Variants in RPS6KC1 observed in about 807,000 individuals in gnomAD.
The protein encoded by RPS6KC1 is inactive ribosomal protein S6 kinase delta-1.
Under a neutral mutation model 103.8 loss-of-function variants are expected in RPS6KC1, and 54 were observed. The observed-to-expected ratio is 0.52, with a 90% CI of 0.42 to 0.65. RPS6KC1 has a LOEUF of 0.65. Among genes scored for constraint, RPS6KC1 ranks in the 30% least tolerant of loss-of-function variants. The pLI is 0.00. For missense variants in RPS6KC1, 1,151 were observed against 1,253.8 expected (o/e 0.92, Z 1.24); for synonymous variants, 439 against 438.7 (o/e 1.00, Z -0.01).
chr1:213,450,936 T>C, the RPS6KC1 span, among the ~76,000 whole-genome samples: 1 of 152,100 alleles, frequency 6.6e-6, no homozygotes, highest in East Asian at 1.9e-4. Flanking sequence ...GTTCGTGCCA[T>C]TGCACTCCAG....
intron 4 of RPS6KC1, among the ~76,000 whole-genome samples, chr1:213,108,754 C>T (rs2082727695): frequency 6.6e-6 from 1 of 151,414 alleles, no homozygotes; most frequent in Non-Finnish European, 1.5e-5. Context: ...CTCTTGGGCT[C>T]AAGGGATCCT....
chr1:213,579,666 T>G, the RPS6KC1 span, among the ~76,000 whole-genome samples: 1 of 152,048 alleles, frequency 6.6e-6, no homozygotes, highest in South Asian at 2.1e-4. Flanking sequence ...ACTCTCTTGT[T>G]GAGAGCTAAT....
At chr1:213,243,560 T>G (rs1394806527) in intron 12 of RPS6KC1, among the ~76,000 whole-genome samples, 1 of 152,228 alleles carries the variant, frequency 6.6e-6, no homozygotes, top group African/African-American at 2.4e-5. Context: ...ATTTATTCTG[T>G]GGGTATTAGA....
the RPS6KC1 span, among the ~76,000 whole-genome samples, chr1:213,823,827 G>A: frequency 6.6e-6 from 1 of 151,662 alleles, no homozygotes; most frequent in Non-Finnish European, 1.5e-5. Flanking sequence ...ACCAAGCACT[G>A]TTCTAAACTT....
At chr1:213,205,536 T>TTATTTATATATATATATATATATATA (rs1553378415) in intron 8 of RPS6KC1, 1 of 82,318 alleles carries the variant, frequency 1.2e-5, no homozygotes. Flanking sequence ...ACAAACTCAT[T>TTATTTATATATATATATATATATATA]TATATATATA....
the RPS6KC1 span, among the ~76,000 whole-genome samples, chr1:213,481,130 A>G: frequency 6.6e-6 from 1 of 152,082 alleles, no homozygotes; most frequent in Non-Finnish European, 1.5e-5. Flanking sequence ...GTCTCATGTA[A>G]TAGGATGAAT....
the RPS6KC1 span, among the ~76,000 whole-genome samples, chr1:213,833,379 C>T: frequency 2.0e-5 from 3 of 152,152 alleles, no homozygotes; most frequent in Non-Finnish European, 4.4e-5. Flanking sequence ...ATTCTCTCTC[C>T]TAGGAAAGCA....
At chr1:213,257,473 T>C (rs555491259) in intron 12 of RPS6KC1, among the ~76,000 whole-genome samples, 231 of 152,280 alleles carry the variant, frequency 1.5e-3, no homozygotes, top group African/African-American at 5.2e-3. Context: ...GCTAACTGGA[T>C]CAGATGTCCT....
chr1:213,263,571 ATATC>A (rs2094846703), intron 14 of RPS6KC1, among the ~76,000 whole-genome samples: 1 of 152,210 alleles, frequency 6.6e-6, no homozygotes, highest in African/African-American at 2.4e-5. Flanking sequence ...TCCTTGAAAA[ATATC>A]AAGAACTAAA....
chr1:213,445,146 T>G, the RPS6KC1 span, among the ~76,000 whole-genome samples: 4 of 152,188 alleles, frequency 2.6e-5, no homozygotes, highest in African/African-American at 4.8e-5. Context: ...CATAATGTTT[T>G]CAGGGTTCAT....
the RPS6KC1 span, chr1:213,841,402 GA>G: frequency 6.6e-6 from 1 of 152,172 alleles, no homozygotes; most frequent in African/African-American, 2.4e-5. Context: ...CTCTGAACAA[GA>G]GCATCTAGGG....
chr1:213,429,684 C>T, the RPS6KC1 span, among the ~76,000 whole-genome samples: 2 of 152,176 alleles, frequency 1.3e-5, no homozygotes, highest in Admixed American at 1.3e-4. Flanking sequence ...CTGAACACCT[C>T]TCAGGAAGTT....
At chr1:213,723,163 A>G in the RPS6KC1 span, among the ~76,000 whole-genome samples, 1 of 152,186 alleles carries the variant, frequency 6.6e-6, no homozygotes, top group Non-Finnish European at 1.5e-5. Flanking sequence ...CTGGGCAACA[A>G]GAGTGGAACT....
chr1:213,198,712 TAGAA>T (rs2093044138), intron 8 of RPS6KC1, among the ~76,000 whole-genome samples: 1 of 152,148 alleles, frequency 6.6e-6, no homozygotes, highest in African/African-American at 2.4e-5. Context: ...CCTTCCAAAA[TAGAA>T]AGCACCAGGA....
At chr1:213,152,575 G>C (rs1015996416) in intron 6 of RPS6KC1, among the ~76,000 whole-genome samples, 78 of 149,860 alleles carry the variant, frequency 5.2e-4, no homozygotes, top group South Asian at 2.8e-3. Flanking sequence ...TTGCCGCCGG[G>C]CAGAGGTGCT....
the RPS6KC1 span, among the ~76,000 whole-genome samples, chr1:213,532,080 C>T: frequency 2.0e-5 from 3 of 152,302 alleles, no homozygotes; most frequent in Non-Finnish European, 4.4e-5. Flanking sequence ...GGGCTAGCAG[C>T]GCTTACGGCC....
chr1:213,163,016 GTTC>G (rs1312472769), intron 6 of RPS6KC1, among the ~76,000 whole-genome samples: 1 of 152,140 alleles, frequency 6.6e-6, no homozygotes, highest in Non-Finnish European at 1.5e-5. Context: ...ATAAATTACT[GTTC>G]TTCTCAAGGT....
At chr1:213,481,473 A>T in the RPS6KC1 span, among the ~76,000 whole-genome samples, 2 of 152,218 alleles carry the variant, frequency 1.3e-5, no homozygotes, top group African/African-American at 4.8e-5. Context: ...TTTACTCAGG[A>T]ATCATGGCTG....
chr1:213,477,271 A>C, the RPS6KC1 span, among the ~76,000 whole-genome samples: 1 of 152,194 alleles, frequency 6.6e-6, no homozygotes, highest in South Asian at 2.1e-4. Context: ...GAAAAGCATA[A>C]GTATTCTGTT....
Sources: allele counts gnomAD v4.1 joint callset (sites outside exome capture counted in the v4.1 genomes callset), GRCh38; gene constraint gnomAD v4.1.1; transcripts MANE v1.5; gene names NCBI Gene and HGNC (gene_info 2026-07-23, HGNC 2026-07-21).